Variants in SAMD3 observed in about 807,000 individuals in gnomAD.
SAMD3 encodes the protein sterile alpha motif domain-containing protein 3.
Under a neutral mutation model 58.5 loss-of-function variants are expected in SAMD3, and 63 were observed. The ratio of observed to expected loss-of-function variants is 1.08; its 90% CI spans 0.88 to 1.33. SAMD3 has a LOEUF of 1.33. SAMD3 is among the 40% of genes most tolerant of loss of function. The probability of loss-of-function intolerance (pLI) is 0.00; values close to 1 mark genes in which losing one functional copy is unlikely to be tolerated. For missense variants in SAMD3, 604 were observed against 608.4 expected, an observed-to-expected ratio of 0.99 and a Z score of 0.08; for synonymous variants, 220 against 210.3, an observed-to-expected ratio of 1.05 and a Z score of -0.40.
chr6:130,338,245 C>T (rs1294934206), intron 1 of SAMD3, among the ~76,000 whole-genome samples: 2 of 152,202 alleles, frequency 1.3e-5, no homozygotes, highest in Non-Finnish European at 2.9e-5. Flanking sequence ...AGTGTTTGGC[C>T]TTTGGATGCA....
intron 2 of SAMD3, among the ~76,000 whole-genome samples, chr6:130,289,577 G>A (rs1487573686): frequency 6.6e-6 from 1 of 152,190 alleles, no homozygotes; most frequent in Non-Finnish European, 1.5e-5. Flanking sequence ...TCGGCTCACT[G>A]CAACCTCCAC....
intron 2 of SAMD3, among the ~76,000 whole-genome samples, chr6:130,246,627 A>T (rs1192411778): frequency 6.6e-6 from 1 of 152,152 alleles, no homozygotes; most frequent in East Asian, 1.9e-4. Context: ...GGCCGGGCTC[A>T]TGCTTATAAT....
chr6:130,175,469 T>C (rs1343496373), intron 8 of SAMD3, among the ~76,000 whole-genome samples: 1 of 152,106 alleles, frequency 6.6e-6, no homozygotes, highest in African/African-American at 2.4e-5. Flanking sequence ...AGAGGCTACC[T>C]AACTCAGACA....
At chr6:130,277,989 A>T (rs1774841520) in intron 2 of SAMD3, among the ~76,000 whole-genome samples, 1 of 152,200 alleles carries the variant, frequency 6.6e-6, no homozygotes, top group Admixed American at 6.5e-5. Flanking sequence ...AGTAGCCACA[A>T]GATTAGAAAT....
At chr6:130,303,146 C>T (rs1051306794) in intron 2 of SAMD3, among the ~76,000 whole-genome samples, 2 of 152,128 alleles carry the variant, frequency 1.3e-5, no homozygotes, top group African/African-American at 4.8e-5. Context: ...CTGAACATTG[C>T]TCTCTTCGGT....
chr6:130,296,740 G>A (rs1281828272), intron 2 of SAMD3, among the ~76,000 whole-genome samples: 1 of 152,134 alleles, frequency 6.6e-6, no homozygotes, highest in Non-Finnish European at 1.5e-5. Flanking sequence ...TCTGGACCAA[G>A]GGAAGAGGGT....
intron 2 of SAMD3, among the ~76,000 whole-genome samples, chr6:130,288,244 C>A (rs1183320594): frequency 6.6e-6 from 1 of 152,128 alleles, no homozygotes; most frequent in South Asian, 2.1e-4. Flanking sequence ...TGGGGGCTGG[C>A]AAGTCTGAAA....
At chr6:130,258,600 C>T (rs1313402730) in intron 2 of SAMD3, among the ~76,000 whole-genome samples, 1 of 152,072 alleles carries the variant, frequency 6.6e-6, no homozygotes, top group Non-Finnish European at 1.5e-5. Flanking sequence ...AGATAATGAA[C>T]CTAACTATCA....
chr6:130,328,082 T>C (rs1271605514), intron 1 of SAMD3, among the ~76,000 whole-genome samples: 1 of 152,168 alleles, frequency 6.6e-6, no homozygotes, highest in Non-Finnish European at 1.5e-5. Flanking sequence ...AGTCTCCCAT[T>C]GAAGCTGAGG....
chr6:130,181,377 A>T (rs1232247868), intron 7 of SAMD3, among the ~76,000 whole-genome samples: 1 of 152,174 alleles, frequency 6.6e-6, no homozygotes, highest in East Asian at 1.9e-4. Context: ...TTCCACTGTA[A>T]CATTAGAAAC....
At chr6:130,166,803 G>A (rs933612309) in intron 8 of SAMD3, among the ~76,000 whole-genome samples, 24 of 152,178 alleles carry the variant, frequency 1.6e-4, no homozygotes, top group African/African-American at 5.5e-4. Context: ...CCATGGAAAT[G>A]TAAATCACAG....
At chr6:130,265,318 C>A (rs1774301504) in intron 2 of SAMD3, among the ~76,000 whole-genome samples, 1 of 152,158 alleles carries the variant, frequency 6.6e-6, no homozygotes, top group Non-Finnish European at 1.5e-5. Flanking sequence ...TGGATGGGAG[C>A]AGCTTCACCA....
chr6:130,180,969 C>CTTTTTTTTTTTTTTT (rs1792271404), intron 7 of SAMD3, among the ~76,000 whole-genome samples: 2 of 133,752 alleles, frequency 1.5e-5, no homozygotes, highest in Non-Finnish European at 1.6e-5. Context: ...TCTTTTGAGA[C>CTTTTTTTTTTTTTTT]GGAGTTCCGC....
chr6:130,223,196 G>A (rs1796285927), upstream of SAMD3, among the ~76,000 whole-genome samples: 1 of 152,164 alleles, frequency 6.6e-6, no homozygotes, highest in African/African-American at 2.4e-5. Flanking sequence ...TCTTAAGGCA[G>A]ATATAATAAT....
intron 1 of SAMD3, among the ~76,000 whole-genome samples, chr6:130,323,684 T>C (rs1214303892): frequency 1.3e-5 from 2 of 150,606 alleles, no homozygotes; most frequent in African/African-American, 4.9e-5. Context: ...GTGCCTGTAA[T>C]CCCAGCTACT....
At chr6:130,310,138 C>T (rs745454934) in intron 2 of SAMD3, among the ~76,000 whole-genome samples, 2 of 152,068 alleles carry the variant, frequency 1.3e-5, no homozygotes, top group Non-Finnish European at 2.9e-5. Context: ...TAATATTCTC[C>T]CAGAATTTTC....
rs1554266491 is a variant in SAMD3, at chr6:130,244,747, AT to A, written c.-187-21935del. On this transcript the variant is annotated intron_variant, in intron 2 of 13. Coordinates refer to the SAMD3 transcript ENST00000368134. ...AGGACGAGCCTGTCTCAAAAAAAAA[AT>A]AAAAATAAAAATAAAAATAAAAATA... Among the ~76,000 whole-genome samples the A allele has an allele frequency of 6.1e-3, 288 of 47,152 alleles. 1 individual carries two copies. The African/African-American group carries it at 0.092, about 15-fold the overall frequency. 30.9% of individuals were successfully genotyped at this position (47,152 alleles called of 152,430 possible). A position where few individuals can be genotyped will look rare whatever the true frequency, so the allele number is the denominator to read the frequency against.
Position 130,199,179 on chromosome 6 carries a change from C to T in SAMD3, c.383+10316G>A, listed in dbSNP as rs551521345. 2.6e-5 allele frequency among the ~76,000 whole-genome samples: 4 copies of T among 152,342 alleles called. No homozygotes were observed. In the South Asian group the frequency reaches 8.3e-4, roughly 32 times the overall value. ...AGTGCCACCAGCAATAGTATTAGTA[C>T]TCCCACCATTGGGAGAGAAAGCAGT... On this transcript the variant is annotated intron_variant, in intron 5 of 11. Coordinates refer to ENST00000439090, the MANE Select transcript of SAMD3 (RefSeq NM_001017373.4).
intron 2 of SAMD3, among the ~76,000 whole-genome samples, chr6:130,289,138 A>G (rs1200120986): frequency 6.6e-6 from 1 of 152,144 alleles, no homozygotes; most frequent in Non-Finnish European, 1.5e-5. Context: ...GCTTAAGGAG[A>G]AGGATGTTGT....
Sources: allele counts gnomAD v4.1 joint callset (sites outside exome capture counted in the v4.1 genomes callset), GRCh38; gene constraint gnomAD v4.1.1; transcripts MANE v1.5; gene names NCBI Gene and HGNC (gene_info 2026-07-23, HGNC 2026-07-21).